The following PLXNA4 variants were observed in gnomAD, a reference collection of about 807,000 sequenced individuals.
The protein encoded by PLXNA4 is plexin A4.
A neutral mutation model predicts 191.8 loss-of-function variants in PLXNA4; 44 were observed. The ratio of observed to expected loss-of-function variants is 0.23; its 90% CI spans 0.18 to 0.29. The LOEUF (loss-of-function observed/expected upper bound fraction) is 0.29. Among genes scored for constraint, PLXNA4 ranks in the 10% least tolerant of loss-of-function variants. The probability of loss-of-function intolerance (pLI) is 1.00; values close to 1 mark genes in which losing one functional copy is unlikely to be tolerated. For missense variants in PLXNA4, 1,800 were observed against 2,488.8 expected, an observed-to-expected ratio of 0.72 and a Z score of 5.89; for synonymous variants, 1,082 against 1,009.5, an observed-to-expected ratio of 1.07 and a Z score of -1.36.
At chr7:132,237,120 C>T (rs934427382) in intron 5 of PLXNA4, among the ~76,000 whole-genome samples, 14 of 152,242 alleles carry the variant, frequency 9.2e-5, no homozygotes, top group Admixed American at 3.3e-4. Context: ...TCAAGCTGTA[C>T]ACTTAAGATC....
At chr7:132,401,313 A>G (rs1354929317) in intron 3 of PLXNA4, among the ~76,000 whole-genome samples, 1 of 152,180 alleles carries the variant, frequency 6.6e-6, no homozygotes, top group East Asian at 1.9e-4. Context: ...TTATCTCAAA[A>G]GGCAAAGTTA....
At chr7:132,197,041 C>T (rs1797274801) in intron 13 of PLXNA4, among the ~76,000 whole-genome samples, 1 of 152,096 alleles carries the variant, frequency 6.6e-6, no homozygotes, top group South Asian at 2.1e-4. Context: ...ATTTTTGATG[C>T]ACAAGTTTTA....
intron 3 of PLXNA4, among the ~76,000 whole-genome samples, chr7:132,425,254 T>C (rs1795000107): frequency 6.6e-6 from 1 of 152,152 alleles, no homozygotes; most frequent in South Asian, 2.1e-4. Context: ...TAAATTACCA[T>C]TGGAGAAATA....
chr7:132,275,823 T>C (rs137910571), intron 4 of PLXNA4, among the ~76,000 whole-genome samples: 1 of 152,308 alleles, frequency 6.6e-6, no homozygotes, highest in Non-Finnish European at 1.5e-5. Flanking sequence ...AGCATGGGCT[T>C]TCTTTTGCTC....
At chr7:132,497,934 C>G (rs984791292) in intron 2 of PLXNA4, among the ~76,000 whole-genome samples, 4 of 152,286 alleles carry the variant, frequency 2.6e-5, no homozygotes, top group Non-Finnish European at 5.9e-5. Context: ...GGAGAGCCAG[C>G]AAGCCACAGT....
intron 2 of PLXNA4, among the ~76,000 whole-genome samples, chr7:132,604,385 G>A (rs1383626083): frequency 6.6e-6 from 1 of 152,114 alleles, no homozygotes; most frequent in Non-Finnish European, 1.5e-5. Flanking sequence ...CAGGAGACAG[G>A]GTAGATATCA....
intron 25 of PLXNA4, among the ~76,000 whole-genome samples, chr7:132,154,377 C>A (rs1212767914): frequency 1.3e-5 from 2 of 150,298 alleles, no homozygotes; most frequent in Non-Finnish European, 2.9e-5. Flanking sequence ...AGAAAATTCA[C>A]CTGGGAGCAG....
In PLXNA4 at chr7:132,165,125, C is replaced by T; in HGVS notation, c.4353+9G>A. 1 of 1,612,330 alleles carries T rather than the reference C, an allele frequency of 6.2e-7. No homozygotes were observed. Among genetic ancestry groups the T allele is most frequent in the Non-Finnish European group, 8.5e-7 (1 of 1,178,864 alleles). On this transcript the variant is annotated intron_variant, in intron 23 of 31. Coordinates refer to ENST00000321063, the MANE Select transcript of PLXNA4 (RefSeq NM_020911.2). ...GCAAGGCCAGAAATACGTCCACATC[C>T]AACCCTACCTTGAGGAACTTGTAGA...
intron 1 of PLXNA4, among the ~76,000 whole-genome samples, chr7:132,509,139 G>A (rs555523289): frequency 3.7e-5 from 5 of 135,246 alleles, no homozygotes; most frequent in South Asian, 5.4e-4. Flanking sequence ...GGCAGCATCC[G>A]CAAAGACTGG....
At chr7:132,144,984 C>T (rs943460558) in intron 29 of PLXNA4, 135 bp downstream of exon 29, 1 of 1,287,966 alleles carries the variant, frequency 7.8e-7, no homozygotes, top group Non-Finnish European at 1.1e-6. Context: ...AGAGAATGTG[C>T]CTGCTCAGAG....
intron 2 of PLXNA4, among the ~76,000 whole-genome samples, chr7:132,639,065 A>C (rs1285699905): frequency 6.6e-6 from 1 of 152,164 alleles, no homozygotes; most frequent in African/African-American, 2.4e-5. Context: ...ACTCTGCAGC[A>C]TCTGGGTTAT....
At chr7:132,573,163 G>A (rs958822303) in intron 1 of PLXNA4, among the ~76,000 whole-genome samples, 5 of 152,138 alleles carry the variant, frequency 3.3e-5, no homozygotes, top group African/African-American at 9.7e-5. Flanking sequence ...CCCAGGGTCT[G>A]AGCCAGTTTC....
chr7:132,159,975 A>C (rs1164367690), intron 24 of PLXNA4, among the ~76,000 whole-genome samples: 1 of 152,360 alleles, frequency 6.6e-6, no homozygotes, highest in African/African-American at 2.4e-5. Context: ...AACAGACACC[A>C]GTGCATGCAT....
intron 2 of PLXNA4, among the ~76,000 whole-genome samples, chr7:132,503,902 G>A (rs1326110720): frequency 3.3e-5 from 5 of 152,302 alleles, no homozygotes; most frequent in Non-Finnish European, 7.3e-5. Flanking sequence ...TTTCCACCCA[G>A]GCTGGAGAAA....
intron 5 of PLXNA4, among the ~76,000 whole-genome samples, chr7:132,228,777 T>C (rs1454929382): frequency 6.6e-6 from 1 of 152,216 alleles, no homozygotes; most frequent in Non-Finnish European, 1.5e-5. Flanking sequence ...TGCACATCCT[T>C]AGCCCTTGCC....
Position 132,127,023 on chromosome 7 carries a change from G to A in PLXNA4, c.*3456C>T, listed in dbSNP as rs138225241. 5.3e-5 allele frequency: 8 copies of A among 152,302 alleles called. No individual in the cohort carries two copies. The highest frequency in any genetic ancestry group is 1.9e-4 in the African/African-American group (8 of 41,524). The allele number at this position is 152,302 out of a possible 1,614,324, so 9.4% of individuals were successfully genotyped here. On this transcript the variant is annotated 3_prime_UTR_variant, in exon 32 of 32. Transcript: ENST00000321063. ...AATGGGTAAAAGCTGCATCTGGGGGGACTTGTGGCCAGGAGAAATGACCAG... is the reference window on the plus strand; with the variant it reads ...AATGGGTAAAAGCTGCATCTGGGGGAACTTGTGGCCAGGAGAAATGACCAG...
chr7:132,593,310 G>C (rs62465165), intron 2 of PLXNA4, among the ~76,000 whole-genome samples: 1 of 44,956 alleles, frequency 2.2e-5, no homozygotes, highest in Non-Finnish European at 5.2e-5. Flanking sequence ...GTCTCACTTA[G>C]GAAAAAAAAA....
At chr7:132,370,025 A>C (rs1804365581) in intron 3 of PLXNA4, among the ~76,000 whole-genome samples, 1 of 149,796 alleles carries the variant, frequency 6.7e-6, no homozygotes, top group Admixed American at 6.7e-5. Context: ...CCAAGATCGC[A>C]CCACTGCACT....
chr7:132,483,557 C>A (rs932676469), intron 3 of PLXNA4, among the ~76,000 whole-genome samples: 1 of 152,180 alleles, frequency 6.6e-6, no homozygotes, highest in Non-Finnish European at 1.5e-5. Flanking sequence ...TCCTCTAGTG[C>A]GTCTGACATT....
Sources: gnomAD v4.1 joint callset for allele counts (sites outside exome capture counted in the v4.1 genomes callset) on GRCh38, gnomAD v4.1.1 for gene constraint, MANE v1.5 for transcripts, NCBI Gene and HGNC (gene_info 2026-07-23, HGNC 2026-07-21) for gene names.